Variants in COX7B2 observed in about 807,000 individuals in gnomAD.
COX7B2 encodes cytochrome c oxidase subunit 7B2.
For synonymous variants in COX7B2, 37 were observed against 32.1 expected, an observed-to-expected ratio of 1.15 and a Z score of -0.51; for missense variants, 109 against 95.9, an observed-to-expected ratio of 1.14 and a Z score of -0.57.
At chr4:46,750,474 A>G (rs1263822717) in intron 2 of COX7B2, among the ~76,000 whole-genome samples, 1 of 152,158 alleles carries the variant, frequency 6.6e-6, no homozygotes, top group Non-Finnish European at 1.5e-5. Context: ...ATCTAGTATC[A>G]AGACTCTTTA....
At chr4:46,768,917 C>A (rs1187125242) in intron 2 of COX7B2, among the ~76,000 whole-genome samples, 2 of 151,604 alleles carry the variant, frequency 1.3e-5, no homozygotes, top group Non-Finnish European at 2.9e-5. Flanking sequence ...TCATAAGAGA[C>A]AACTATAAAT....
chr4:46,846,146 A>G (rs552655176), intron 1 of COX7B2, among the ~76,000 whole-genome samples: 5 of 152,212 alleles, frequency 3.3e-5, no homozygotes, highest in African/African-American at 1.2e-4. Flanking sequence ...TTAATTGAAG[A>G]TGCTGCAGAT....
At position 46,885,513 on chromosome 4, in the gene COX7B2, T is replaced by C. The variant is rs547721144; in HGVS notation, c.-105+23647A>G. Among the ~76,000 whole-genome samples the C allele has an allele frequency of 5.9e-5, 9 of 152,276 alleles. No individual in the cohort carries two copies. The South Asian group carries it at 6.2e-4, about 11-fold the overall frequency. On this transcript the variant is annotated intron_variant, in intron 1 of 2. Transcript: ENST00000355591. ...CACCTTACTGATTTTGTTTATGAAATGAATAAACATACCCCATTCTATTCA... is the reference window on the plus strand; with the variant it reads ...CACCTTACTGATTTTGTTTATGAAACGAATAAACATACCCCATTCTATTCA...
intron 2 of COX7B2, among the ~76,000 whole-genome samples, chr4:46,822,847 T>C (rs1357429934): frequency 6.6e-6 from 1 of 152,072 alleles, no homozygotes; most frequent in Admixed American, 6.6e-5. Context: ...GAAATAAAAA[T>C]AGCTAGAAAG....
intron 1 of COX7B2, among the ~76,000 whole-genome samples, chr4:46,846,665 G>C (rs1716298053): frequency 1.3e-5 from 2 of 151,978 alleles, no homozygotes; most frequent in Admixed American, 1.3e-4. Flanking sequence ...ATGAAAAAGG[G>C]AACAGTAGTA....
At chr4:46,883,245 A>G (rs1718862304) in intron 1 of COX7B2, among the ~76,000 whole-genome samples, 1 of 152,224 alleles carries the variant, frequency 6.6e-6, no homozygotes, top group Admixed American at 6.5e-5. Context: ...ATTTGCTTTC[A>G]ATTGCTTTGA....
intron 1 of COX7B2, among the ~76,000 whole-genome samples, chr4:46,883,320 G>A (rs940970911): frequency 6.6e-6 from 1 of 151,548 alleles, no homozygotes; most frequent in South Asian, 2.1e-4. Context: ...AGTCATGATT[G>A]TCTGGCTTAA....
In COX7B2 at chr4:46,890,690, G is replaced by T. The variant is rs993525058; in HGVS notation, c.-105+18470C>A. Among the ~76,000 whole-genome samples the T allele has an allele frequency of 5.3e-5, 8 of 152,294 alleles. 2 individuals are homozygous for T. The highest frequency in any genetic ancestry group is 1.3e-4 in the Admixed American group (2 of 15,292). ...TGAACATTTGGATAAAGAGCATTCT[G>T]GACAGAGGGACTAGAAAGTGCAAAA... On this transcript the variant is annotated intron_variant, in intron 1 of 2. Coordinates refer to ENST00000355591, the MANE Select transcript of COX7B2 (RefSeq NM_130902.3).
intron 1 of COX7B2, among the ~76,000 whole-genome samples, chr4:46,851,954 T>G (rs983613718): frequency 6.6e-6 from 1 of 152,118 alleles, no homozygotes; most frequent in Admixed American, 6.6e-5. Context: ...AGATTTCTTT[T>G]TGTAGTTGGT....
rs765606265 is a variant in COX7B2, at chr4:46,764,552, AAAAAG to A, written c.-49-29316_-49-29312del. On this transcript the variant is annotated intron_variant, in intron 2 of 2. Transcript: ENST00000355591. The stretch of plus-strand genomic sequence containing the variant: ...AGTGAGACTCAGTCTCAAAAATGAA[AAAAAG>A]AAAAGAAAAGAAAAGAAAATACTGC... Among the ~76,000 whole-genome samples the A allele has an allele frequency of 1.1e-4, 17 of 151,172 alleles. No individual in the cohort carries two copies. The South Asian group carries it at 1.5e-3, about 13-fold the overall frequency.
Position 46,859,381 on chromosome 4 carries a change from C to T in COX7B2, c.-104-14367G>A, listed in dbSNP as rs529443830. Among the ~76,000 whole-genome samples, 18 of 152,262 alleles carry T rather than the reference C, an allele frequency of 1.2e-4. No homozygotes were observed. In the South Asian group the frequency reaches 3.7e-3, roughly 32 times the overall value. ...AGCACAGATTTTAGGGGTCAGATAC[C>T]TATTTTCAAATTCTGAATCTGACAT... On this transcript the variant is annotated intron_variant, in intron 1 of 2. Coordinates refer to ENST00000355591, the MANE Select transcript of COX7B2 (RefSeq NM_130902.3).
chr4:46,793,328 G>A (rs1718147501), intron 2 of COX7B2, among the ~76,000 whole-genome samples: 3 of 152,080 alleles, frequency 2.0e-5, no homozygotes, highest in Admixed American at 2.0e-4. Flanking sequence ...CATGTCTCTG[G>A]TTGGGGAGGA....
At chr4:46,874,944 G>A (rs1718231749) in intron 1 of COX7B2, among the ~76,000 whole-genome samples, 1 of 152,108 alleles carries the variant, frequency 6.6e-6, no homozygotes, top group African/African-American at 2.4e-5. Flanking sequence ...GGTCTCTGAG[G>A]TAATTCTCTG....
intron 1 of COX7B2, among the ~76,000 whole-genome samples, chr4:46,858,220 AG>A (rs199894736): frequency 0.014 from 2,192 of 152,212 alleles, 25 homozygotes; most frequent in Non-Finnish European, 0.024. Context: ...CAGCCTCCTG[AG>A]TAGCTAGGAC....
intron 2 of COX7B2, among the ~76,000 whole-genome samples, chr4:46,763,189 A>T (rs1054974030): frequency 7.3e-6 from 1 of 137,122 alleles, no homozygotes; most frequent in Non-Finnish European, 1.5e-5. Context: ...TACTGTAAAT[A>T]TATAATATAT....
At chr4:46,837,464 G>A (rs1227066838) in intron 2 of COX7B2, among the ~76,000 whole-genome samples, 1 of 152,000 alleles carries the variant, frequency 6.6e-6, no homozygotes, top group Non-Finnish European at 1.5e-5. Context: ...TCTAGAATAG[G>A]CAAATTCATA....
chr4:46,764,861 A>G (rs1176249893), intron 2 of COX7B2, among the ~76,000 whole-genome samples: 1 of 152,084 alleles, frequency 6.6e-6, no homozygotes, highest in Non-Finnish European at 1.5e-5. Context: ...CCACAAAAAA[A>G]TTATCACATC....
intron 2 of COX7B2, among the ~76,000 whole-genome samples, chr4:46,777,583 T>C (rs903200009): frequency 9.9e-5 from 15 of 152,014 alleles, no homozygotes; most frequent in African/African-American, 3.6e-4. Context: ...TGGGTATAAA[T>C]GGGGGAACTT....
At chr4:46,783,049 TAA>T (rs1313334839) in intron 2 of COX7B2, among the ~76,000 whole-genome samples, 3 of 152,232 alleles carry the variant, frequency 2.0e-5, no homozygotes, top group Non-Finnish European at 4.4e-5. Flanking sequence ...CTGATAATGC[TAA>T]ATGATAACCA....
Sources: allele counts gnomAD v4.1 joint callset (sites outside exome capture counted in the v4.1 genomes callset), GRCh38; gene constraint gnomAD v4.1.1; transcripts MANE v1.5; gene names NCBI Gene and HGNC (gene_info 2026-07-23, HGNC 2026-07-21).